SPTBN1: variants seen among roughly 807,000 people sequenced by gnomAD.
The protein encoded by SPTBN1 is spectrin beta chain, non-erythrocytic 1.
In SPTBN1, 32 loss-of-function variants were observed where a neutral mutation model predicts 266.4. The observed-to-expected ratio is 0.12, with a 90% CI of 0.09 to 0.16. The LOEUF is 0.16. Among genes scored for constraint, SPTBN1 ranks in the 10% least tolerant of loss-of-function variants. The pLI, the probability that SPTBN1 is intolerant of heterozygous loss-of-function variation, is 1.00. For missense variants in SPTBN1, 2,296 were observed against 3,067.1 expected (o/e 0.75, Z 5.94); for synonymous variants, 1,336 against 1,162.2 (o/e 1.15, Z -3.04).
At position 54,494,322 on chromosome 2, in the gene SPTBN1, GT is replaced by G. The variant is rs993166581; in HGVS notation, c.-47-32043del. Among the ~76,000 whole-genome samples the G allele has an allele frequency of 1.0e-3, 155 of 152,210 alleles. No individual in the cohort carries two copies. The Middle Eastern group carries it at 0.02, about 20-fold the overall frequency. ...TGCTCATTGTTTTAAACAACTTGCA[GT>G]TTTTTTAACAAATTACAGTATGACC... On this transcript the variant is annotated intron_variant, in intron 1 of 35. Transcript: ENST00000356805.
At chr2:54,552,412 C>T (rs1216177889) in intron 2 of SPTBN1, among the ~76,000 whole-genome samples, 1 of 151,810 alleles carries the variant, frequency 6.6e-6, no homozygotes, top group Non-Finnish European at 1.5e-5. Context: ...GCACAGAGAA[C>T]CAAGGTTAAA....
intron 1 of SPTBN1, among the ~76,000 whole-genome samples, chr2:54,501,370 C>G (rs893733728): frequency 6.6e-6 from 1 of 152,074 alleles, no homozygotes; most frequent in African/African-American, 2.4e-5. Flanking sequence ...AAATACCAGA[C>G]CAGTTGCTAT....
At chr2:54,640,470 G>A (rs985512105) in intron 18 of SPTBN1, among the ~76,000 whole-genome samples, 15 of 152,208 alleles carry the variant, frequency 9.9e-5, no homozygotes, top group East Asian at 1.9e-4. Context: ...GGCATATACA[G>A]TATGCTGGAA....
At chr2:54,504,030 A>G (rs1274861678) in intron 1 of SPTBN1, among the ~76,000 whole-genome samples, 24 of 152,236 alleles carry the variant, frequency 1.6e-4, no homozygotes, top group Admixed American at 1.5e-3. Context: ...GGAATTTGTT[A>G]CAATATGACT....
In SPTBN1 at chr2:54,649,746, A is replaced by G. The variant is rs1304530575; in HGVS notation, c.5334A>G (p.Glu1778=). 1.9e-6 allele frequency: 3 copies of G among 1,614,178 alleles called. No individual in the cohort carries two copies. The South Asian group carries it at 3.3e-5, about 18-fold the overall frequency. The change falls in exon 26 of 36, where the codon GAA becomes GAG. Residue 1778 remains glutamate (E), a synonymous_variant. Transcript: ENST00000356805. This position sits in a 1 kb window ranked among gnomAD's most constrained non-coding sequence, Gnocchi z 6.7. The stretch of plus-strand genomic sequence containing the variant: ...ATTCAGATGCCGCCACCATCGCTGA[A>G]TGGAAGGATGGCCTCAATGAAGCCT... ...SGHSDAATIA[E]WKDGLNEAWA...
intron 35 of SPTBN1, among the ~76,000 whole-genome samples, chr2:54,668,053 G>A (rs952564404): frequency 1.3e-5 from 2 of 152,206 alleles, no homozygotes; most frequent in African/African-American, 4.8e-5. Flanking sequence ...TGCTTTAAAT[G>A]TGAAAAAGCA....
intron 1 of SPTBN1, among the ~76,000 whole-genome samples, chr2:54,485,338 G>A (rs1180664017): frequency 6.6e-6 from 1 of 152,106 alleles, no homozygotes; most frequent in Admixed American, 6.5e-5. Context: ...TTGCAGGCAC[G>A]CGCCGCCACG....
intron 18 of SPTBN1, among the ~76,000 whole-genome samples, chr2:54,642,121 G>A (rs1463477179): frequency 6.6e-6 from 1 of 152,196 alleles, no homozygotes; most frequent in African/African-American, 2.4e-5. Flanking sequence ...AAATGGGGCG[G>A]GAATCAGGAC....
intron 2 of SPTBN1, among the ~76,000 whole-genome samples, chr2:54,589,213 C>T (rs1233912328): frequency 6.6e-6 from 1 of 152,218 alleles, no homozygotes; most frequent in Non-Finnish European, 1.5e-5. Flanking sequence ...AGAAAGCCCC[C>T]ATCATAACCT....
At chr2:54,522,711 G>GGAAA (rs1188390044) in intron 1 of SPTBN1, among the ~76,000 whole-genome samples, 1,103 of 92,650 alleles carry the variant, frequency 0.012, 8 homozygotes, top group South Asian at 0.042. Flanking sequence ...AAGAAAGAAA[G>GGAAA]GAAAGAAAGA....
intron 4 of SPTBN1, 97 bp from the exon 5 acceptor site, chr2:54,616,110 T>TAAAA: frequency 1.0e-6 from 1 of 989,314 alleles, no homozygotes; most frequent in Non-Finnish European, 1.5e-6. Context: ...GGCTATGATC[T>TAAAA]ACAGTTTATT....
intron 10 of SPTBN1, among the ~76,000 whole-genome samples, chr2:54,623,858 C>T (rs1052939439): frequency 4.6e-5 from 7 of 152,234 alleles, no homozygotes; most frequent in Non-Finnish European, 1.0e-4. Flanking sequence ...TACTCAGATA[C>T]ATATCACTTT....
At chr2:54,532,755 C>G (rs1254712476) in intron 2 of SPTBN1, among the ~76,000 whole-genome samples, 6 of 152,166 alleles carry the variant, frequency 3.9e-5, no homozygotes, top group Non-Finnish European at 8.8e-5. Context: ...TTTTGGAAAC[C>G]AGCATTTTAT....
intron 16 of SPTBN1, among the ~76,000 whole-genome samples, chr2:54,632,100 T>G (rs1037078189): frequency 7.3e-6 from 1 of 137,872 alleles, no homozygotes. Flanking sequence ...AAAAAAAAAG[T>G]ACGGTGAGGA....
At chr2:54,582,935 A>T (rs528408104) in intron 2 of SPTBN1, among the ~76,000 whole-genome samples, 1 of 152,330 alleles carries the variant, frequency 6.6e-6, no homozygotes, top group East Asian at 1.9e-4. Flanking sequence ...TTCACAGAGT[A>T]GTTGTGAGAA....
chr2:54,647,267 C>T lies in SPTBN1; in HGVS notation c.4997+6C>T, dbSNP rs774942786. 6.1e-5 allele frequency: 99 copies of T among 1,613,492 alleles called. No homozygotes were observed. In the South Asian group the frequency reaches 9.2e-4, roughly 15 times the overall value. ...GCCGACAGCCATCCTGAAAGGTGAG[C>T]GCTGCTTCATGAGTGTGAGACCCGG... On this transcript the variant is annotated splice_donor_region_variant and intron_variant, in intron 24 of 35. Coordinates refer to ENST00000356805, the MANE Select transcript of SPTBN1 (RefSeq NM_003128.3).
rs772842590 is a variant in SPTBN1, at chr2:54,628,884, C to T, written c.1799-49C>T. The T allele has an allele frequency of 6.5e-7, 1 of 1,533,574 alleles. No individual in the cohort carries two copies. The highest frequency in any genetic ancestry group is 8.8e-7 in the Non-Finnish European group (1 of 1,142,502). The allele number at this position is 1,533,574 out of a possible 1,614,324, so 95.0% of individuals were successfully genotyped here. On this transcript the variant is annotated intron_variant, in intron 13 of 35. Transcript: ENST00000356805. This position sits in a 1 kb window ranked among gnomAD's most constrained non-coding sequence, Gnocchi z 4.3. ...TACTGCCTGCCAGTGAGCCTGCACC[C>T]ATGCTGAGCTCCCTCACACAGCCAC...
At chr2:54,661,595 T>A in intron 32 of SPTBN1, 4 of 985,904 alleles carry the variant, frequency 4.1e-6, no homozygotes, top group Non-Finnish European at 4.8e-6. Flanking sequence ...ATTGGGTCTC[T>A]GCCTTAAAAC....
At position 54,522,294 on chromosome 2, in the gene SPTBN1, G is replaced by C. The variant is rs552867280; in HGVS notation, c.-47-4078G>C. The stretch of plus-strand genomic sequence containing the variant: ...AAAAAGGTGCTTTAGTTCTCTGAGT[G>C]ACTTCTTTTAAGCTTAAGACAAGAA... On this transcript the variant is annotated intron_variant, in intron 1 of 35. Transcript: ENST00000356805. 3.3e-5 allele frequency among the ~76,000 whole-genome samples: 5 copies of C among 152,174 alleles called. No homozygotes were observed. In the South Asian group the frequency reaches 1.0e-3, roughly 32 times the overall value.
Sources: allele counts gnomAD v4.1 joint callset (sites outside exome capture counted in the v4.1 genomes callset), GRCh38; gene constraint gnomAD v4.1.1; non-coding constraint Gnocchi (gnomAD v3.1); transcripts MANE v1.5; gene names NCBI Gene and HGNC (gene_info 2026-07-23, HGNC 2026-07-21).